The following SMARCC1 variants were observed in gnomAD, a reference collection of about 807,000 sequenced individuals.
SMARCC1 encodes SWI/SNF complex subunit SMARCC1.
In SMARCC1, 43 loss-of-function variants were observed where a neutral mutation model predicts 147.4. That is an observed-to-expected ratio of 0.29 (90% CI 0.23 to 0.38). SMARCC1 has a LOEUF of 0.38. Ranked by LOEUF, SMARCC1 falls within the 10% of genes least tolerant of loss-of-function variation. The probability of loss-of-function intolerance (pLI) is 1.00; values close to 1 mark genes in which losing one functional copy is unlikely to be tolerated. For synonymous variants in SMARCC1, 495 were observed against 484.4 expected, an observed-to-expected ratio of 1.02 and a Z score of -0.29; for missense variants, 1,119 against 1,381.1, an observed-to-expected ratio of 0.81 and a Z score of 3.01.
chr3:47,590,895 T>C (rs1028238434), intron 26 of SMARCC1, 58 bp from the exon 27 acceptor site: 11 of 1,401,068 alleles, frequency 7.9e-6, no homozygotes, highest in Non-Finnish European at 1.1e-5. Context: ...AAGAAAGGGA[T>C]CAACTTAAAT....
chr3:47,720,832 T>A, intron 6 of SMARCC1, 97 bp from the exon 7 acceptor site: 1 of 982,898 alleles, frequency 1.0e-6, no homozygotes, highest in Non-Finnish European at 1.6e-6. Flanking sequence ...TTTAGTTTGC[T>A]AACGAACAAC....
At chr3:47,598,843 AAAAAAAAAG>A (rs1289244643) in intron 26 of SMARCC1, among the ~76,000 whole-genome samples, 422 of 139,924 alleles carry the variant, frequency 3.0e-3, no homozygotes, top group Non-Finnish European at 4.7e-3. Context: ...AAAAAAAAAA[AAAAAAAAAG>A]AGAGAGAGAG....
At chr3:47,694,685 C>T (rs1009788084) in intron 11 of SMARCC1, among the ~76,000 whole-genome samples, 5 of 152,234 alleles carry the variant, frequency 3.3e-5, no homozygotes, top group Non-Finnish European at 5.9e-5. Context: ...TTTGATAGTA[C>T]TCATTCCTCA....
At chr3:47,699,527 C>T (rs2033893108) in intron 11 of SMARCC1, among the ~76,000 whole-genome samples, 1 of 151,998 alleles carries the variant, frequency 6.6e-6, no homozygotes. Context: ...TATGTATATA[C>T]ATATGTATAT....
intron 24 of SMARCC1, 100 bp downstream of exon 24, chr3:47,635,090 G>T: frequency 9.8e-7 from 1 of 1,024,362 alleles, no homozygotes. Context: ...ATCTCCTATT[G>T]GGAGCAAAGC....
At chr3:47,692,094 C>T (rs542502446) in intron 12 of SMARCC1, among the ~76,000 whole-genome samples, 1 of 152,138 alleles carries the variant, frequency 6.6e-6, no homozygotes, top group South Asian at 2.1e-4. Context: ...CTTGAAAATC[C>T]CTTTCAGGTT....
chr3:47,754,036 A>C (rs1265137256), intron 2 of SMARCC1, among the ~76,000 whole-genome samples: 2 of 152,172 alleles, frequency 1.3e-5, no homozygotes, highest in East Asian at 3.8e-4. Context: ...TATTAAACTT[A>C]TTTGGAATTT....
rs140306443 is a variant in SMARCC1 at position 47,706,805 on chromosome 3, C to T, written c.919-275G>A. 7.1e-4 allele frequency among the ~76,000 whole-genome samples: 108 copies of T among 152,238 alleles called. 1 individual carries two copies. The highest frequency in any genetic ancestry group is 2.6e-3 in the African/African-American group (107 of 41,552). On this transcript the variant is annotated intron_variant, in intron 9 of 27. Transcript: ENST00000254480. ...TGAAACCCTGCACAACTAAAAACTG[C>T]TACTGTTCACATTCTGTTTTGAGGT...
At chr3:47,610,954 C>T (rs1192538180) in intron 25 of SMARCC1, among the ~76,000 whole-genome samples, 1 of 152,112 alleles carries the variant, frequency 6.6e-6, no homozygotes, top group African/African-American at 2.4e-5. Context: ...GACACATTCA[C>T]GGAATATTTT....
chr3:47,770,990 A>G (rs1227026862), intron 2 of SMARCC1, among the ~76,000 whole-genome samples: 2 of 152,078 alleles, frequency 1.3e-5, no homozygotes, highest in African/African-American at 4.8e-5. Context: ...GGCTCACTGC[A>G]AGCTCTGCCT....
intron 22 of SMARCC1, among the ~76,000 whole-genome samples, chr3:47,637,516 A>G (rs900332066): frequency 6.6e-6 from 1 of 152,182 alleles, no homozygotes; most frequent in South Asian, 2.1e-4. Flanking sequence ...GTTCCAGACC[A>G]GCCTGGCCAA....
chr3:47,684,597 C>T (rs1254486437), intron 14 of SMARCC1, among the ~76,000 whole-genome samples: 2 of 151,954 alleles, frequency 1.3e-5, no homozygotes, highest in African/African-American at 2.4e-5. Flanking sequence ...CCCACCACCA[C>T]GCCTGGCTAA....
At chr3:47,637,295 C>A (rs1053015946) in intron 22 of SMARCC1, among the ~76,000 whole-genome samples, 3 of 152,204 alleles carry the variant, frequency 2.0e-5, no homozygotes, top group Admixed American at 6.5e-5. Context: ...TACCCTCACC[C>A]TCCCCTTAAC....
intron 21 of SMARCC1, among the ~76,000 whole-genome samples, chr3:47,655,174 T>G (rs1348901991): frequency 6.6e-6 from 1 of 152,200 alleles, no homozygotes; most frequent in Non-Finnish European, 1.5e-5. Context: ...ATATGATATG[T>G]TCTGTAGAGC....
chr3:47,593,954 C>T (rs538510631), intron 26 of SMARCC1, among the ~76,000 whole-genome samples: 1 of 152,260 alleles, frequency 6.6e-6, no homozygotes, highest in African/African-American at 2.4e-5. Context: ...CACCTGAGGT[C>T]AGGAGTTCGT....
intron 26 of SMARCC1, among the ~76,000 whole-genome samples, chr3:47,597,331 T>C (rs2032301417): frequency 3.9e-5 from 6 of 152,032 alleles, no homozygotes. Flanking sequence ...AATTTATTTA[T>C]TTATTTTATT....
intron 18 of SMARCC1, among the ~76,000 whole-genome samples, chr3:47,673,072 T>C (rs1165878259): frequency 6.6e-6 from 1 of 152,044 alleles, no homozygotes; most frequent in African/African-American, 2.4e-5. Context: ...GAAGCTTTCA[T>C]ATGATTTTAA....
At chr3:47,668,925 A>G (rs1232503843) in intron 19 of SMARCC1, among the ~76,000 whole-genome samples, 1 of 152,170 alleles carries the variant, frequency 6.6e-6, no homozygotes. Context: ...TGAAAACAGC[A>G]AACCCCAATG....
At chr3:47,604,052 G>A (rs577717158) in intron 26 of SMARCC1, 20 of 456,788 alleles carry the variant, frequency 4.4e-5, no homozygotes, top group African/African-American at 3.6e-4. Context: ...GGACAGGGCA[G>A]AGGGGCTGAA....
Sources: allele counts gnomAD v4.1 joint callset (sites outside exome capture counted in the v4.1 genomes callset), GRCh38; gene constraint gnomAD v4.1.1; transcripts MANE v1.5; gene names NCBI Gene and HGNC (gene_info 2026-07-23, HGNC 2026-07-21).